Variants in HIGD2A observed in about 807,000 individuals in gnomAD.
The protein encoded by HIGD2A is HIG1 hypoxia inducible domain family member 2A.
HIGD2A carries 4 observed loss-of-function variants against 6.3 expected under a neutral mutation model. The ratio of observed to expected loss-of-function variants is 0.64; its 90% confidence interval spans 0.31 to 1.46. HIGD2A has a LOEUF of 1.46. Ranked by LOEUF, HIGD2A falls within the 40% of genes most tolerant of loss-of-function variation. The probability of loss-of-function intolerance (pLI) is 0.07; values close to 1 mark genes in which losing one functional copy is unlikely to be tolerated. For missense variants in HIGD2A, 143 were observed against 144.8 expected (o/e 0.99, Z 0.06); for synonymous variants, 63 against 59.3 (o/e 1.06, Z -0.29).
At position 176,389,722 on chromosome 5, in the gene HIGD2A, TC is replaced by T; in HGVS notation, c.*229del. ...TATTTGTGCCACATCTCCCCTCCAC[TC>T]CCCTGCTTAATAAACTCTAAAAATC... On this transcript the variant is annotated 3_prime_UTR_variant, in exon 2 of 2. Coordinates refer to ENST00000274787, the MANE Select transcript of HIGD2A (RefSeq NM_138820.4). 2.2e-6 allele frequency: 1 copy of T among 459,448 alleles called. No individual in the cohort carries two copies. Among genetic ancestry groups the T allele is most frequent in the Non-Finnish European group, 3.8e-6 (1 of 259,808 alleles). 28.5% of individuals were successfully genotyped at this position (459,448 alleles called of 1,614,324 possible).
chr5:176,389,164 A>C (rs530819153), intron 1 of HIGD2A, among the ~76,000 whole-genome samples, 167 bp from the exon 2 acceptor site: 2 of 152,176 alleles, frequency 1.3e-5, no homozygotes, highest in East Asian at 3.9e-4. Context: ...TTTGGGGCCT[A>C]AGATTGGGAG....
At chr5:176,389,242 A>G in intron 1 of HIGD2A, 89 bp from the exon 2 acceptor site, 1 of 1,450,282 alleles carries the variant, frequency 6.9e-7, no homozygotes, top group Non-Finnish European at 9.4e-7. Flanking sequence ...TGATCCAGAG[A>G]TCTTGGCTTT....
chr5:176,389,197 C>G (rs955629782), intron 1 of HIGD2A, 134 bp from the exon 2 acceptor site: 22 of 1,168,362 alleles, frequency 1.9e-5, no homozygotes, highest in Non-Finnish European at 2.6e-5. Context: ...AGGAAGACCT[C>G]GACTCGACCT....
At chr5:176,389,189 G>T in intron 1 of HIGD2A, 142 bp from the exon 2 acceptor site, 1 of 1,112,852 alleles carries the variant, frequency 9.0e-7, no homozygotes, top group South Asian at 1.5e-5. Context: ...CTGTAACTAG[G>T]AAGACCTCGA....
intron 1 of HIGD2A, 68 bp downstream of exon 1, chr5:176,389,041 G>A (rs1267170316): frequency 2.5e-5 from 40 of 1,579,900 alleles, no homozygotes; most frequent in Non-Finnish European, 3.4e-5. Flanking sequence ...AGTAGAGAAG[G>A]ACCAGAGCGC....
chr5:176,389,372 T>G lies in HIGD2A; in HGVS notation c.196T>G (p.Ser66Ala). Residue 66 changes from serine (S) to alanine (A), a missense_variant, in exon 2 of 2, where the codon TCC becomes GCC. Coordinates refer to ENST00000274787, the MANE Select transcript of HIGD2A (RefSeq NM_138820.4). ...TAAALTYGLY[S>A]FHRGNSQRSQ... ...GGCCGCCCTCACCTACGGCCTCTACTCCTTCCACCGGGGCAACAGCCAGCG... is the reference window on the plus strand; with the variant it reads ...GGCCGCCCTCACCTACGGCCTCTACGCCTTCCACCGGGGCAACAGCCAGCG... 1 of 1,614,008 alleles carries G rather than the reference T, an allele frequency of 6.2e-7. No homozygotes were observed. The highest frequency in any genetic ancestry group is 2.2e-5 in the East Asian group (1 of 44,870).
Position 176,389,710 on chromosome 5 carries a change from TCTCCCCTCCA to T in HIGD2A, c.*221_*230del. The T allele has an allele frequency of 2.0e-6, 1 of 489,924 alleles. No individual in the cohort carries two copies. Among genetic ancestry groups the T allele is most frequent in the Non-Finnish European group, 3.6e-6 (1 of 278,096 alleles). The allele number at this position is 489,924 out of a possible 1,614,324, so 30.3% of individuals were successfully genotyped here. A position where few individuals can be genotyped will look rare whatever the true frequency, so the allele number is the denominator to read the frequency against. ...GTTACATACTTCTATTTGTGCCACATCTCCCCTCCACTCCCCTGCTTAATAAACTCTAAAA... is the reference window on the plus strand; with the variant it reads ...GTTACATACTTCTATTTGTGCCACATCTCCCCTGCTTAATAAACTCTAAAA... On this transcript the variant is annotated 3_prime_UTR_variant, in exon 2 of 2. Coordinates refer to ENST00000274787, the MANE Select transcript of HIGD2A (RefSeq NM_138820.4).
intron 1 of HIGD2A, 98 bp downstream of exon 1, chr5:176,389,071 A>T: frequency 2.7e-6 from 4 of 1,470,172 alleles, no homozygotes; most frequent in Non-Finnish European, 3.7e-6. Context: ...GCGGAAGGAG[A>T]GCGGACTAGA....
chr5:176,389,299 G>A (rs949585101), intron 1 of HIGD2A, 32 bp from the exon 2 acceptor site: 20 of 1,597,100 alleles, frequency 1.3e-5, no homozygotes, highest in Non-Finnish European at 1.7e-5. Flanking sequence ...GGCCCGACCT[G>A]CTGTTTCCCA....
At position 176,389,476 on chromosome 5, in the gene HIGD2A, T is replaced by C. The variant is rs1756173270; in HGVS notation, c.300T>C (p.Thr100=). 1 of 1,613,788 alleles carries C rather than the reference T, an allele frequency of 6.2e-7. No homozygotes were observed. Residue 100 remains threonine (T), a synonymous_variant, in exon 2 of 2, where the codon ACT becomes ACC. Transcript: ENST00000274787. ...CCATCTTGCTGGGTCTGGCTGTCAC[T>C]GCTATGAAGTCTCGACCCTAAGCCC... ...VAAILLGLAV[T]AMKSRP
rs201379910 is a variant in HIGD2A at position 176,388,778 on chromosome 5, G to T, written c.-42G>T. Reference sequence around the variant, plus strand: ...CTTTCATGACCTTCACCGGGAGGCTGAGGTCGGAGTCCCGATTTTCTCCTG... The same window carrying T: ...CTTTCATGACCTTCACCGGGAGGCTTAGGTCGGAGTCCCGATTTTCTCCTG... On this transcript the variant is annotated 5_prime_UTR_variant, in exon 1 of 2. Coordinates refer to ENST00000274787, the MANE Select transcript of HIGD2A (RefSeq NM_138820.4). The T allele has an allele frequency of 1.7e-4, 265 of 1,600,156 alleles. 2 individuals are homozygous for T. The African/African-American group carries it at 3.2e-3, about 19-fold the overall frequency.
chr5:176,388,914 C>G lies in HIGD2A; in HGVS notation c.95C>G (p.Pro32Arg). 1 of 1,614,156 alleles carries G rather than the reference C, an allele frequency of 6.2e-7. No individual in the cohort carries two copies. The highest frequency in any genetic ancestry group is 8.5e-7 in the Non-Finnish European group (1 of 1,180,044). The part of the protein sequence containing the change: ...EGLSPTVYRN[P>R]ESFKEKFVRK... ...CTGAGCCCCACTGTTTACAGGAATC[C>G]AGAGAGTTTCAAGGAAAAGTTCGTT... The change falls in exon 1 of 2, where the codon CCA becomes CGA. Residue 32 changes from proline to arginine, a missense_variant. By Grantham distance (103) the Pro-to-Arg change is moderately radical. Coordinates refer to ENST00000274787, the MANE Select transcript of HIGD2A (RefSeq NM_138820.4).
chr5:176,388,862 C>A lies in HIGD2A; in HGVS notation c.43C>A (p.Pro15Thr). The change falls in exon 1 of 2, where the codon CCA (proline) becomes ACA (threonine). Residue 15 changes from proline to threonine, a missense_variant. Transcript: ENST00000274787. The part of the protein sequence containing the change: ...GPVIPEVPFE[P>T]SKPPVIEGLS... ...TGTGATTCCGGAGGTCCCCTTTGAA[C>A]CATCGAAGCCTCCAGTCATTGAGGG... 6.2e-7 allele frequency: 1 copy of A among 1,614,152 alleles called. No individual in the cohort carries two copies. Among genetic ancestry groups the A allele is most frequent in the Non-Finnish European group, 8.5e-7 (1 of 1,180,026 alleles).
At position 176,388,904 on chromosome 5, in the gene HIGD2A, T is replaced by C; in HGVS notation, c.85T>C (p.Tyr29His). The C allele has an allele frequency of 6.2e-7, 1 of 1,614,136 alleles. No individual in the cohort carries two copies. Residue 29 changes from tyrosine to histidine, a missense_variant, in exon 1 of 2, where the codon TAC (tyrosine) becomes CAC (histidine). Transcript: ENST00000274787. The part of the protein sequence containing the change: ...PVIEGLSPTV[Y>H]RNPESFKEKF... ...CATTGAGGGGCTGAGCCCCACTGTT[T>C]ACAGGAATCCAGAGAGTTTCAAGGA...
chr5:176,388,799 T>C lies in HIGD2A; in HGVS notation c.-21T>C. ...GGCTGAGGTCGGAGTCCCGATTTTC[T>C]CCTGCTGCTGTGGCCCGGACATGGC... On this transcript the variant is annotated 5_prime_UTR_variant, in exon 1 of 2. Transcript: ENST00000274787. 1 of 1,607,064 alleles carries C rather than the reference T, an allele frequency of 6.2e-7. No homozygotes were observed. The highest frequency in any genetic ancestry group is 8.5e-7 in the Non-Finnish European group (1 of 1,177,236).
At position 176,388,932 on chromosome 5, in the gene HIGD2A, A is replaced by G. The variant is rs1756132843; in HGVS notation, c.113A>G (p.Lys38Arg). 6.2e-7 allele frequency: 1 copy of G among 1,614,026 alleles called. No homozygotes were observed. Among genetic ancestry groups the G allele is most frequent in the South Asian group, 1.1e-5 (1 of 91,086 alleles). Reference protein sequence around the residue: ...VYRNPESFKEKFVRKTRENPV... With the variant: ...VYRNPESFKERFVRKTRENPV... ...AGGAATCCAGAGAGTTTCAAGGAAA[A>G]GTTCGTTCGCAAGACCCGCGAGAAC... is the stretch of plus-strand genomic sequence containing the variant. The change falls in exon 1 of 2, where the codon AAG (lysine) becomes AGG (arginine). Residue 38 changes from lysine (K) to arginine (R), a missense_variant. Coordinates refer to ENST00000274787, the MANE Select transcript of HIGD2A (RefSeq NM_138820.4).
Position 176,389,388 on chromosome 5 carries a change from A to C in HIGD2A, c.212A>C (p.Asn71Thr). ...TYGLYSFHRGNSQRSQLMMRT... is the reference protein window; with the variant it reads ...TYGLYSFHRGTSQRSQLMMRT... ...GGCCTCTACTCCTTCCACCGGGGCA[A>C]CAGCCAGCGCTCTCAGCTCATGATG... Residue 71 changes from asparagine (N) to threonine (T), a missense_variant, in exon 2 of 2, where the codon AAC (asparagine) becomes ACC (threonine). Physicochemically the swap from Asn to Thr is moderately conservative, Grantham distance 65 (BLOSUM62 0). Transcript: ENST00000274787. The C allele has an allele frequency of 6.2e-7, 1 of 1,614,126 alleles. No homozygotes were observed. The highest frequency in any genetic ancestry group is 8.5e-7 in the Non-Finnish European group (1 of 1,180,002).
Position 176,389,447 on chromosome 5 carries a change from G to A in HIGD2A, c.271G>A (p.Ala91Thr). The A allele has an allele frequency of 1.2e-6, 2 of 1,614,128 alleles. No individual in the cohort carries two copies. The highest frequency in any genetic ancestry group is 1.7e-6 in the Non-Finnish European group (2 of 1,180,024). ...GATCGCCGCCCAGGGTTTCACGGTCGCAGCCATCTTGCTGGGTCTGGCTGT... is the reference window on the plus strand; with the variant it reads ...GATCGCCGCCCAGGGTTTCACGGTCACAGCCATCTTGCTGGGTCTGGCTGT... ...TRIAAQGFTV[A>T]AILLGLAVTA... is the part of the protein sequence containing the mutation. The change falls in exon 2 of 2, where the codon GCA becomes ACA. Residue 91 changes from alanine (A) to threonine (T), a missense_variant. By Grantham distance (58) the Ala-to-Thr change is moderately conservative. Coordinates refer to ENST00000274787, the MANE Select transcript of HIGD2A (RefSeq NM_138820.4).
chr5:176,388,763 C>G lies in HIGD2A; in HGVS notation c.-57C>G, dbSNP rs921382613. ...TTCGTTTCCCCGCCCCTTTCATGACCTTCACCGGGAGGCTGAGGTCGGAGT... is the reference window on the plus strand; with the variant it reads ...TTCGTTTCCCCGCCCCTTTCATGACGTTCACCGGGAGGCTGAGGTCGGAGT... On this transcript the variant is annotated 5_prime_UTR_variant, in exon 1 of 2. Transcript: ENST00000274787. The G allele has an allele frequency of 3.1e-6, 5 of 1,589,322 alleles. No individual in the cohort carries two copies. The highest frequency in any genetic ancestry group is 4.3e-6 in the Non-Finnish European group (5 of 1,169,120).
Sources: gnomAD v4.1 joint callset for allele counts (sites outside exome capture counted in the v4.1 genomes callset) on GRCh38, gnomAD v4.1.1 for gene constraint, MANE v1.5 for transcripts, NCBI Gene and HGNC (gene_info 2026-07-23, HGNC 2026-07-21) for gene names.